The following CDH13 variants were observed in gnomAD, a reference collection of about 807,000 sequenced individuals.
The protein encoded by CDH13 is cadherin-13.
Under a neutral mutation model 63.8 loss-of-function variants are expected in CDH13, and 24 were observed. That is an observed-to-expected ratio of 0.38 (90% CI 0.27 to 0.53). The LOEUF (loss-of-function observed/expected upper bound fraction) is 0.53. Ranked by LOEUF, CDH13 falls within the 20% of genes least tolerant of loss-of-function variation. The probability of loss-of-function intolerance (pLI) is 0.85; values close to 1 mark genes in which losing one functional copy is unlikely to be tolerated. For synonymous variants in CDH13, 503 were observed against 355.3 expected (o/e 1.42, Z -4.67); for missense variants, 1,049 against 903.1 (o/e 1.16, Z -2.07).
At chr16:83,071,942 TCTAAA>T (rs1439090165) in intron 3 of CDH13, among the ~76,000 whole-genome samples, 1 of 152,130 alleles carries the variant, frequency 6.6e-6, no homozygotes, top group Non-Finnish European at 1.5e-5. Flanking sequence ...CATCCATCTC[TCTAAA>T]CTAACGTCAA....
At chr16:83,313,666 A>AG (rs1555528955) in intron 5 of CDH13, among the ~76,000 whole-genome samples, 1 of 144,208 alleles carries the variant, frequency 6.9e-6, no homozygotes, top group Non-Finnish European at 1.5e-5. Context: ...AAAAAAAAAA[A>AG]GGGAGGTCCT....
At chr16:82,778,917 C>T (rs1298246393) in intron 1 of CDH13, among the ~76,000 whole-genome samples, 1 of 152,028 alleles carries the variant, frequency 6.6e-6, no homozygotes. Context: ...ATTTTAAATA[C>T]AAGTGTTGGT....
chr16:83,781,255 C>G (rs965882030), intron 12 of CDH13, among the ~76,000 whole-genome samples: 1 of 152,200 alleles, frequency 6.6e-6, no homozygotes, highest in Non-Finnish European at 1.5e-5. Context: ...TATCCACAAT[C>G]TCACCCACTT....
intron 1 of CDH13, among the ~76,000 whole-genome samples, chr16:82,739,104 A>G (rs1377583559): frequency 6.6e-6 from 1 of 152,216 alleles, no homozygotes; most frequent in Non-Finnish European, 1.5e-5. Context: ...GAGATCTCAT[A>G]GTCACTCATC....
chr16:82,738,033 G>C (rs1423277439), intron 1 of CDH13, among the ~76,000 whole-genome samples: 3 of 152,136 alleles, frequency 2.0e-5, no homozygotes, highest in Admixed American at 6.5e-5. Flanking sequence ...ATGCAGTACT[G>C]TCAATTACAG....
chr16:83,157,564 G>C (rs949865028), intron 4 of CDH13, among the ~76,000 whole-genome samples: 1 of 152,046 alleles, frequency 6.6e-6, no homozygotes, highest in Admixed American at 6.6e-5. Flanking sequence ...AACGCAAAAG[G>C]ACCTAGCAGG....
Position 83,383,122 on chromosome 16 carries a change from T to G in CDH13, c.781+38116T>G, listed in dbSNP as rs559759289. 2.0e-5 allele frequency: 3 copies of G among 152,352 alleles called. No individual in the cohort carries two copies. In the East Asian group the frequency reaches 5.8e-4, roughly 29 times the overall value. The allele number at this position is 152,352 out of a possible 1,614,324, so 9.4% of individuals were successfully genotyped here. On this transcript the variant is annotated intron_variant, in intron 6 of 13. Coordinates refer to ENST00000567109, the MANE Select transcript of CDH13 (RefSeq NM_001257.5). ...TCATCGTCCCAACAGTTTGGAAGAA[T>G]GCAGCCCTACATTCTGCAGTGTGAT...
intron 2 of CDH13, among the ~76,000 whole-genome samples, chr16:82,971,709 C>T (rs1233083562): frequency 6.6e-6 from 1 of 152,116 alleles, no homozygotes; most frequent in African/African-American, 2.4e-5. Context: ...AGTATGGTAC[C>T]AAATAGATAA....
At chr16:83,222,803 C>A (rs1286599545) in intron 5 of CDH13, among the ~76,000 whole-genome samples, 1 of 152,152 alleles carries the variant, frequency 6.6e-6, no homozygotes, top group East Asian at 1.9e-4. Context: ...AGTAACCTAG[C>A]TGACAAGGCC....
intron 3 of CDH13, among the ~76,000 whole-genome samples, chr16:83,096,798 C>G (rs1597328479): frequency 1.3e-5 from 2 of 152,322 alleles, no homozygotes; most frequent in South Asian, 2.1e-4. Flanking sequence ...AGATTGAATG[C>G]TATTGTTCAG....
intron 6 of CDH13, among the ~76,000 whole-genome samples, chr16:83,415,348 T>A (rs2325872): frequency 0.03 from 4,496 of 152,174 alleles, 87 homozygotes; most frequent in East Asian, 0.12. Context: ...ATTTAAAGAA[T>A]TGATGAGAAT....
rs144697959 is a variant in CDH13, at chr16:83,243,406, C to T, written c.636+25909C>T. ...TTCCCTTTATAAAAGCATCAGATCT[C>T]ATGAGACTTATTAACTATCATGAGA... On this transcript the variant is annotated intron_variant, in intron 5 of 13. Transcript: ENST00000567109. Among the ~76,000 whole-genome samples, 11 of 152,248 alleles carry T rather than the reference C, an allele frequency of 7.2e-5. No homozygotes were observed. The East Asian group carries it at 1.4e-3, about 19-fold the overall frequency.
At chr16:83,714,489 C>G (rs1369446262) in intron 10 of CDH13, among the ~76,000 whole-genome samples, 2 of 152,184 alleles carry the variant, frequency 1.3e-5, no homozygotes. Flanking sequence ...GAAACTGTTT[C>G]TGCCCCACAA....
intron 4 of CDH13, among the ~76,000 whole-genome samples, chr16:83,200,507 C>T (rs2038994218): frequency 6.6e-6 from 1 of 152,172 alleles, no homozygotes; most frequent in Non-Finnish European, 1.5e-5. Flanking sequence ...CCTCCTTAGT[C>T]CCCTGTCTAC....
At chr16:83,327,181 T>G (rs747971533) in intron 5 of CDH13, among the ~76,000 whole-genome samples, 4 of 152,230 alleles carry the variant, frequency 2.6e-5, no homozygotes, top group Non-Finnish European at 4.4e-5. Flanking sequence ...CATTTACATA[T>G]GCTTATTAGT....
At chr16:82,653,570 C>T (rs1910972214) in intron 1 of CDH13, among the ~76,000 whole-genome samples, 1 of 152,040 alleles carries the variant, frequency 6.6e-6, no homozygotes, top group Non-Finnish European at 1.5e-5. Context: ...GCTGGCAGTT[C>T]ATGCTTGGGG....
intron 7 of CDH13, among the ~76,000 whole-genome samples, chr16:83,516,060 C>G (rs2074692370): frequency 6.6e-6 from 1 of 152,140 alleles, no homozygotes; most frequent in African/African-American, 2.4e-5. Context: ...CAAAAATTCG[C>G]TTTTCCAAGT....
At chr16:83,607,063 A>G (rs561673350) in intron 8 of CDH13, among the ~76,000 whole-genome samples, 1 of 152,140 alleles carries the variant, frequency 6.6e-6, no homozygotes, top group African/African-American at 2.4e-5. Flanking sequence ...TGTTGCATTT[A>G]TAGTGTTTGT....
intron 1 of CDH13, among the ~76,000 whole-genome samples, chr16:82,777,754 T>A (rs1349391492): frequency 6.6e-6 from 1 of 152,184 alleles, no homozygotes; most frequent in Non-Finnish European, 1.5e-5. Context: ...GGGCATGGGT[T>A]GGCTCCTGAG....
Sources: allele counts gnomAD v4.1 joint callset (sites outside exome capture counted in the v4.1 genomes callset), GRCh38; gene constraint gnomAD v4.1.1; transcripts MANE v1.5; gene names NCBI Gene and HGNC (gene_info 2026-07-23, HGNC 2026-07-21).